SH3GL2: variants seen among roughly 807,000 people sequenced by gnomAD.
The protein encoded by SH3GL2 is SH3 domain containing GRB2 like 2, endophilin A1, also known as endophilin-A1.
Under a neutral mutation model 46.0 loss-of-function variants are expected in SH3GL2, and 24 were observed. The ratio of observed to expected loss-of-function variants is 0.52; its 90% CI spans 0.38 to 0.73. The LOEUF (loss-of-function observed/expected upper bound fraction) is 0.73. Ranked by LOEUF, SH3GL2 falls within the 30% of genes least tolerant of loss-of-function variation. SH3GL2 has a pLI of 0.00. For synonymous variants in SH3GL2, 196 were observed against 147.1 expected (o/e 1.33, Z -2.40); for missense variants, 413 against 424.2 (o/e 0.97, Z 0.23).
chr9:17,786,572 A>G (rs376785653), intron 4 of SH3GL2, 48 bp downstream of exon 4: 2 of 1,584,916 alleles, frequency 1.3e-6, no homozygotes, highest in Non-Finnish European at 1.7e-6. Context: ...GTCCATGGGG[A>G]TTTTGGTGCT....
chr9:17,643,910 C>G (rs1411376528), intron 1 of SH3GL2, among the ~76,000 whole-genome samples: 4 of 152,290 alleles, frequency 2.6e-5, no homozygotes, highest in African/African-American at 9.6e-5. Context: ...AGGAATGGCA[C>G]CAGCTCCTCT....
intron 1 of SH3GL2, among the ~76,000 whole-genome samples, chr9:17,728,286 T>C (rs1822074723): frequency 6.6e-6 from 1 of 151,940 alleles, no homozygotes. Context: ...AAAGGAAGGG[T>C]GTATGTATTT....
chr9:17,616,724 AAT>A (rs1819009545), intron 1 of SH3GL2, among the ~76,000 whole-genome samples: 1 of 152,216 alleles, frequency 6.6e-6, no homozygotes, highest in Admixed American at 6.5e-5. Flanking sequence ...CGTATCATTG[AAT>A]ATAGTAAGTC....
chr9:17,582,343 T>C (rs72713327), intron 1 of SH3GL2, among the ~76,000 whole-genome samples: 109 of 152,366 alleles, frequency 7.2e-4, no homozygotes, highest in Non-Finnish European at 1.1e-3. Context: ...TATAATTTAC[T>C]GTATAATTAG....
At chr9:17,790,507 C>G in intron 6 of SH3GL2, 1 of 616,580 alleles carries the variant, frequency 1.6e-6, no homozygotes, top group Non-Finnish European at 2.0e-6. Context: ...GTCCACCTAA[C>G]TCCTCGAGAG....
chr9:17,784,826 C>T (rs560997861), intron 3 of SH3GL2, among the ~76,000 whole-genome samples: 5 of 152,296 alleles, frequency 3.3e-5, no homozygotes, highest in African/African-American at 9.6e-5. Context: ...AATCTTTCCA[C>T]GTCAGCTTCC....
intron 1 of SH3GL2, among the ~76,000 whole-genome samples, chr9:17,638,112 G>C (rs929641781): frequency 6.6e-6 from 1 of 151,442 alleles, no homozygotes; most frequent in East Asian, 1.9e-4. Context: ...AGCCGAGATC[G>C]CGCCACTGCA....
chr9:17,669,577 G>C (rs1382735499), intron 1 of SH3GL2, among the ~76,000 whole-genome samples: 1 of 152,110 alleles, frequency 6.6e-6, no homozygotes, highest in South Asian at 2.1e-4. Flanking sequence ...CAGTTTCTTG[G>C]AGATTTACTC....
chr9:17,748,728 G>A (rs922022929), intron 2 of SH3GL2, among the ~76,000 whole-genome samples: 5 of 152,062 alleles, frequency 3.3e-5, no homozygotes, highest in African/African-American at 1.2e-4. Context: ...TAGTGGGGAG[G>A]GCAAACTTGG....
intron 2 of SH3GL2, 76 bp from the exon 3 acceptor site, chr9:17,761,361 A>T: frequency 1.1e-6 from 1 of 914,220 alleles, no homozygotes. Flanking sequence ...CCGCCATTGT[A>T]TACAGACTCA....
intron 1 of SH3GL2, among the ~76,000 whole-genome samples, chr9:17,618,888 A>C (rs1188237613): frequency 6.6e-6 from 1 of 152,042 alleles, no homozygotes; most frequent in African/African-American, 2.4e-5. Context: ...AGAGAGAGAA[A>C]GAGAGAAACG....
At chr9:17,777,873 C>CT in intron 3 of SH3GL2, among the ~76,000 whole-genome samples, 1 of 151,840 alleles carries the variant, frequency 6.6e-6, no homozygotes, top group Non-Finnish European at 1.5e-5. Context: ...GTCTTCTTAC[C>CT]TTTTTTACAT....
chr9:17,668,514 A>C (rs1677494674), intron 1 of SH3GL2, among the ~76,000 whole-genome samples: 1 of 152,162 alleles, frequency 6.6e-6, no homozygotes, highest in Non-Finnish European at 1.5e-5. Context: ...TGTGTAGCTA[A>C]ATTTATCAAC....
chr9:17,792,618 A>G (rs533060611), intron 7 of SH3GL2, among the ~76,000 whole-genome samples: 17 of 152,244 alleles, frequency 1.1e-4, no homozygotes, highest in Non-Finnish European at 2.2e-4. Context: ...AAGAGCACAC[A>G]GTATATTTCC....
chr9:17,682,342 A>C (rs1049755315), intron 1 of SH3GL2, among the ~76,000 whole-genome samples: 4 of 152,226 alleles, frequency 2.6e-5, no homozygotes, highest in African/African-American at 9.7e-5. Context: ...GGATAAAGCA[A>C]ATGTGGTACA....
rs570754412 is a variant in SH3GL2, at chr9:17,710,718, A to G, written c.46-36348A>G. Among the ~76,000 whole-genome samples, 9 of 152,114 alleles carry G rather than the reference A, an allele frequency of 5.9e-5. No homozygotes were observed. In the East Asian group the frequency reaches 1.7e-3, roughly 29 times the overall value. On this transcript the variant is annotated intron_variant, in intron 1 of 8. Coordinates refer to ENST00000380607, the MANE Select transcript of SH3GL2 (RefSeq NM_003026.5). Reference sequence around the variant, plus strand: ...TATCGTTAAAACCTTAACAAGGGATAAAATTTTGACATATCCTACAATAGG... The same window carrying G: ...TATCGTTAAAACCTTAACAAGGGATGAAATTTTGACATATCCTACAATAGG...
chr9:17,693,380 A>G (rs1249129482), intron 1 of SH3GL2, among the ~76,000 whole-genome samples: 1 of 152,190 alleles, frequency 6.6e-6, no homozygotes, highest in East Asian at 1.9e-4. Flanking sequence ...AGATGGATGA[A>G]GAAACAAAGA....
chr9:17,759,740 A>G (rs1011922209), intron 2 of SH3GL2, among the ~76,000 whole-genome samples: 1 of 152,150 alleles, frequency 6.6e-6, no homozygotes, highest in Admixed American at 6.5e-5. Flanking sequence ...TGACATCAGG[A>G]TATCAAACAG....
intron 3 of SH3GL2, among the ~76,000 whole-genome samples, chr9:17,784,331 G>A (rs1195974163): frequency 2.0e-5 from 3 of 152,106 alleles, no homozygotes; most frequent in African/African-American, 4.8e-5. Context: ...CCTTAATAGA[G>A]CCAAGATATA....
Sources: allele counts gnomAD v4.1 joint callset (sites outside exome capture counted in the v4.1 genomes callset), GRCh38; gene constraint gnomAD v4.1.1; transcripts MANE v1.5; gene names NCBI Gene and HGNC (gene_info 2026-07-23, HGNC 2026-07-21).